PDE3A: variants seen among roughly 807,000 people sequenced by gnomAD.
PDE3A encodes the protein cGMP-inhibited 3',5'-cyclic phosphodiesterase 3A.
In PDE3A, 43 loss-of-function variants were observed where a neutral mutation model predicts 98.3. That is an observed-to-expected ratio of 0.44 (90% CI 0.34 to 0.56). PDE3A has a LOEUF of 0.56. PDE3A is among the 20% of genes least tolerant of loss of function. The pLI, the probability that PDE3A is intolerant of heterozygous loss-of-function variation, is 0.01. For synonymous variants in PDE3A, 663 were observed against 567.9 expected (o/e 1.17, Z -2.38); for missense variants, 1,427 against 1,440.7 (o/e 0.99, Z 0.15).
chr12:20,434,361 G>C (rs1490488689), intron 1 of PDE3A, among the ~76,000 whole-genome samples: 1 of 151,952 alleles, frequency 6.6e-6, no homozygotes, highest in South Asian at 2.1e-4. Flanking sequence ...ATTTGTGTGG[G>C]GTGTTCTGTG....
rs116338589 is a variant in PDE3A at position 20,648,927 on chromosome 12, C to T, written c.2769+36C>T. 1.7e-3 allele frequency: 1,549 copies of T among 902,344 alleles called. 26 individuals are homozygous for T. Among genetic ancestry groups the T allele is most frequent in the Admixed American group, 3.9e-3 (136 of 34,936 alleles). The allele number at this position is 902,344 out of a possible 1,614,324, so 55.9% of individuals were successfully genotyped here. A position where few individuals can be genotyped will look rare whatever the true frequency, so the allele number is the denominator to read the frequency against. ...CTGTACCCAGTTTTCTTTTCTTTTT[C>T]TTTTTTTTTTTTTTTTGAGACAGAG... On this transcript the variant is annotated intron_variant, in intron 13 of 15. Coordinates refer to ENST00000359062, the MANE Select transcript of PDE3A (RefSeq NM_000921.5).
chr12:20,510,687 C>T (rs751001116), intron 1 of PDE3A, among the ~76,000 whole-genome samples: 2 of 151,984 alleles, frequency 1.3e-5, no homozygotes, highest in Non-Finnish European at 2.9e-5. Context: ...GAGATGAATG[C>T]TGTTTCCATT....
intron 1 of PDE3A, among the ~76,000 whole-genome samples, chr12:20,430,270 G>C (rs2120796924): frequency 6.6e-6 from 1 of 152,186 alleles, no homozygotes; most frequent in Non-Finnish European, 1.5e-5. Context: ...ACTGGCCTTT[G>C]AGAAAGAGTA....
At chr12:20,450,444 A>G (rs1167874292) in intron 1 of PDE3A, among the ~76,000 whole-genome samples, 1 of 152,226 alleles carries the variant, frequency 6.6e-6, no homozygotes, top group Non-Finnish European at 1.5e-5. Flanking sequence ...AAATTTTCAC[A>G]TATTTCTATT....
intron 1 of PDE3A, chr12:20,371,527 A>T: frequency 1.1e-6 from 1 of 874,892 alleles, no homozygotes; most frequent in Non-Finnish European, 1.4e-6. Context: ...GGGTATTTCT[A>T]AGAAATAGCA....
intron 2 of PDE3A, among the ~76,000 whole-genome samples, chr12:20,561,425 A>C (rs1044458635): frequency 3.3e-5 from 5 of 152,224 alleles, no homozygotes; most frequent in African/African-American, 7.2e-5. Flanking sequence ...ATATTGTTTT[A>C]GATATCTAAA....
intron 1 of PDE3A, among the ~76,000 whole-genome samples, chr12:20,440,818 G>A (rs1944858412): frequency 6.6e-6 from 1 of 152,096 alleles, no homozygotes; most frequent in Non-Finnish European, 1.5e-5. Flanking sequence ...GGAGCTAGAG[G>A]TTTTCCATCA....
intron 1 of PDE3A, among the ~76,000 whole-genome samples, chr12:20,482,277 T>A (rs1945644956): frequency 6.6e-6 from 1 of 152,080 alleles, no homozygotes; most frequent in African/African-American, 2.4e-5. Flanking sequence ...AGAATGTTTC[T>A]AAGCCATATA....
chr12:20,516,638 C>T (rs928196042), intron 1 of PDE3A, among the ~76,000 whole-genome samples: 14 of 152,022 alleles, frequency 9.2e-5, no homozygotes, highest in Non-Finnish European at 1.8e-4. Flanking sequence ...GCTTTCACTG[C>T]GATTAATTTA....
intron 1 of PDE3A, among the ~76,000 whole-genome samples, chr12:20,530,340 T>TA (rs946041496): frequency 1.3e-5 from 2 of 152,202 alleles, no homozygotes; most frequent in Non-Finnish European, 2.9e-5. Context: ...TACTACAACT[T>TA]ATGGGCATAC....
chr12:20,552,358 C>T lies in PDE3A; in HGVS notation c.961-4302C>T, dbSNP rs1481268962. 5.0e-6 allele frequency: 8 copies of T among 1,613,632 alleles called. No individual in the cohort carries two copies. The Admixed American group carries it at 6.7e-5, about 13-fold the overall frequency. On this transcript the variant is annotated intron_variant, in intron 1 of 15. Coordinates refer to ENST00000359062, the MANE Select transcript of PDE3A (RefSeq NM_000921.5). The surrounding 1 kb of genome is among the most constrained non-coding windows in gnomAD (Gnocchi z 5.1). ...GGGGAAGTCCGGGTTTCTCGTGTGG[C>T]GCTACCTTCTGCGGAGGGACGATGA...
Position 20,369,577 on chromosome 12 carries a change from C to G in PDE3A, c.293C>G (p.Ala98Gly), listed in dbSNP as rs200052001. ...DLEQCKEAAA[A>G]EEEEAAPGAE... Reference sequence around the variant, plus strand: ...GAGCAGTGTAAGGAGGCGGCGGCGGCGGAGGAGGAGGAAGCAGCCCCGGGA... The same window carrying G: ...GAGCAGTGTAAGGAGGCGGCGGCGGGGGAGGAGGAGGAAGCAGCCCCGGGA... Residue 98 changes from alanine to glycine, a missense_variant, in exon 1 of 16, where the codon GCG becomes GGG. Around this residue, in one of 3 missense-constraint regions of PDE3A, gnomAD observed 1,012 missense variants for 886.5 expected, o/e 1.14. Transcript: ENST00000359062. 1.2e-5 allele frequency: 19 copies of G among 1,549,388 alleles called. No homozygotes were observed. The highest frequency in any genetic ancestry group is 1.6e-5 in the Non-Finnish European group (18 of 1,148,394).
Position 20,685,202 on chromosome 12 carries a change from C to T in PDE3A, c.*4931C>T, listed in dbSNP as rs973047434. 5.3e-5 allele frequency among the ~76,000 whole-genome samples: 8 copies of T among 151,958 alleles called. No homozygotes were observed. Among genetic ancestry groups the T allele is most frequent in the Non-Finnish European group, 1.2e-4 (8 of 67,992 alleles). On this transcript the variant is annotated 3_prime_UTR_variant, in exon 16 of 16. Transcript: ENST00000359062. ...CCAAGGCTGGTGGATCACCTGAGGT[C>T]GGGAGTTCGACACCAGCCTGACCAA... is the stretch of plus-strand genomic sequence containing the variant.
chr12:20,591,445 T>C (rs556194347), intron 2 of PDE3A, among the ~76,000 whole-genome samples: 2 of 152,368 alleles, frequency 1.3e-5, no homozygotes, highest in East Asian at 3.9e-4. Context: ...TAAAATATTT[T>C]AGGACCTAGC....
At chr12:20,496,379 G>A (rs941740608) in intron 1 of PDE3A, among the ~76,000 whole-genome samples, 1 of 152,096 alleles carries the variant, frequency 6.6e-6, no homozygotes, top group Non-Finnish European at 1.5e-5. Context: ...TTACCATTAT[G>A]CTCCTTAGAA....
At chr12:20,556,080 T>A (rs1246455797) in intron 1 of PDE3A, among the ~76,000 whole-genome samples, 1 of 152,162 alleles carries the variant, frequency 6.6e-6, no homozygotes, top group Non-Finnish European at 1.5e-5. Context: ...TATTCTTCTT[T>A]GTAAGCAAGG....
intron 1 of PDE3A, among the ~76,000 whole-genome samples, chr12:20,458,681 C>A (rs1250250412): frequency 6.6e-6 from 1 of 152,086 alleles, no homozygotes; most frequent in East Asian, 1.9e-4. Context: ...CCAGAGAAAG[C>A]CCCTCAGTTT....
chr12:20,471,667 A>G (rs1242465681), intron 1 of PDE3A, among the ~76,000 whole-genome samples: 1 of 152,188 alleles, frequency 6.6e-6, no homozygotes, highest in Non-Finnish European at 1.5e-5. Context: ...TGTAAAAGTA[A>G]GAAAGTAAAT....
intron 1 of PDE3A, among the ~76,000 whole-genome samples, chr12:20,386,020 T>TATATATATAAATATATATAAA (rs1565532357): frequency 3.1e-4 from 19 of 61,790 alleles, no homozygotes; most frequent in African/African-American, 9.0e-4. Flanking sequence ...ATATATAAAA[T>TATATATATAAATATATATAAA]ATATATATAA....
Sources: allele counts gnomAD v4.1 joint callset (sites outside exome capture counted in the v4.1 genomes callset), GRCh38; gene constraint gnomAD v4.1.1; regional missense constraint gnomAD v4.1.1; non-coding constraint Gnocchi (gnomAD v3.1); transcripts MANE v1.5; gene names NCBI Gene and HGNC (gene_info 2026-07-23, HGNC 2026-07-21).